The following STK3 variants were observed in gnomAD, a reference collection of about 807,000 sequenced individuals.
The protein encoded by STK3 is serine/threonine kinase 3.
A neutral mutation model predicts 58.0 loss-of-function variants in STK3; 41 were observed. The ratio of observed to expected loss-of-function variants is 0.71; its 90% CI spans 0.55 to 0.92. The LOEUF (loss-of-function observed/expected upper bound fraction) is 0.92. Among genes scored for constraint, STK3 ranks in the 40% least tolerant of loss-of-function variants. The pLI is 0.00. For synonymous variants in STK3, 170 were observed against 191.0 expected, an observed-to-expected ratio of 0.89 and a Z score of 0.91; for missense variants, 479 against 602.7, an observed-to-expected ratio of 0.79 and a Z score of 2.15.
chr8:98,690,644 G>A (rs1824335750), intron 6 of STK3, among the ~76,000 whole-genome samples: 1 of 152,154 alleles, frequency 6.6e-6, no homozygotes, highest in African/African-American at 2.4e-5. Flanking sequence ...CAGATTCAAT[G>A]CTATTCCTAT....
intron 1 of STK3, among the ~76,000 whole-genome samples, chr8:98,915,945 G>A (rs1279191721): frequency 6.6e-6 from 1 of 152,134 alleles, no homozygotes; most frequent in East Asian, 1.9e-4. Context: ...AATTCCTCCT[G>A]TTTCAAAGAC....
At chr8:98,529,660 A>G (rs1826015424) in intron 9 of STK3, among the ~76,000 whole-genome samples, 1 of 152,254 alleles carries the variant, frequency 6.6e-6, no homozygotes, top group Non-Finnish European at 1.5e-5. Context: ...CAGCTAAAAC[A>G]TGGAAGCAAG....
At chr8:98,845,991 C>A (rs1415913131) in intron 3 of STK3, among the ~76,000 whole-genome samples, 2 of 152,202 alleles carry the variant, frequency 1.3e-5, no homozygotes, top group African/African-American at 4.8e-5. Context: ...CTGCTGGTTG[C>A]ACAGAGCTAG....
chr8:98,778,463 A>T (rs1332573809), intron 1 of STK3, among the ~76,000 whole-genome samples: 50 of 152,082 alleles, frequency 3.3e-4, no homozygotes, highest in Non-Finnish European at 4.3e-4. Flanking sequence ...ATTGTGGAAG[A>T]CAGTGTGGCG....
chr8:98,505,437 G>T (rs560877777), intron 10 of STK3, among the ~76,000 whole-genome samples: 4 of 152,308 alleles, frequency 2.6e-5, no homozygotes, highest in Admixed American at 6.5e-5. Flanking sequence ...TCCATTGCTG[G>T]TGAGGAGCTG....
chr8:98,395,042 T>C (rs1302035273), intron 3 of STK3, among the ~76,000 whole-genome samples: 2 of 152,224 alleles, frequency 1.3e-5, no homozygotes, highest in African/African-American at 4.8e-5. Context: ...TGGTGGTGTC[T>C]CTGTCTGTGT....
chr8:98,693,668 C>A (rs985163677), intron 6 of STK3, among the ~76,000 whole-genome samples: 1 of 152,242 alleles, frequency 6.6e-6, no homozygotes, highest in Non-Finnish European at 1.5e-5. Flanking sequence ...TGCAAGGAAT[C>A]TTCCAACAGG....
At chr8:98,791,008 T>C (rs1233421312) in intron 1 of STK3, among the ~76,000 whole-genome samples, 1 of 149,464 alleles carries the variant, frequency 6.7e-6, no homozygotes, top group Non-Finnish European at 1.5e-5. Flanking sequence ...GGCATTCAAA[T>C]CGGTTAAGAG....
chr8:98,487,525 C>A (rs1447605674), intron 10 of STK3, among the ~76,000 whole-genome samples: 1 of 152,136 alleles, frequency 6.6e-6, no homozygotes, highest in Non-Finnish European at 1.5e-5. Context: ...TACTACTTAC[C>A]CTGTCACCTC....
intron 3 of STK3, among the ~76,000 whole-genome samples, chr8:98,407,395 A>T (rs928778265): frequency 6.6e-6 from 1 of 152,164 alleles, no homozygotes; most frequent in Non-Finnish European, 1.5e-5. Context: ...GAGCAAAGGG[A>T]GCACTGGACA....
intron 8 of STK3, among the ~76,000 whole-genome samples, chr8:98,568,539 T>C (rs1812698466): frequency 1.3e-5 from 2 of 152,162 alleles, no homozygotes. Context: ...CAGAGGTAAT[T>C]TTAGTGCTTC....
chr8:98,345,077 G>T, the STK3 span, among the ~76,000 whole-genome samples: 50,252 of 151,556 alleles, frequency 0.33, 9,921 homozygotes, highest in African/African-American at 0.53. Context: ...TAGAAGCACA[G>T]AATGTTATAG....
chr8:98,542,436 T>C (rs1412681305), intron 9 of STK3, among the ~76,000 whole-genome samples: 4 of 152,182 alleles, frequency 2.6e-5, no homozygotes, highest in Non-Finnish European at 5.9e-5. Context: ...CTTATTCATG[T>C]TGATGCTACT....
chr8:98,779,333 A>AT (rs1471635125), intron 1 of STK3, among the ~76,000 whole-genome samples: 2 of 152,104 alleles, frequency 1.3e-5, no homozygotes, highest in South Asian at 2.1e-4. Flanking sequence ...GTTATGCCAT[A>AT]TTTTTTGCAG....
chr8:98,586,962 A>G (rs1586937314), intron 7 of STK3, among the ~76,000 whole-genome samples: 2 of 151,670 alleles, frequency 1.3e-5, no homozygotes, highest in South Asian at 4.2e-4. Flanking sequence ...ATCATTTTTT[A>G]TTGCATCTAT....
upstream of STK3, among the ~76,000 whole-genome samples, chr8:98,828,919 G>T (rs576904692): frequency 2.0e-5 from 3 of 152,304 alleles, no homozygotes; most frequent in South Asian, 6.2e-4. Context: ...TCTATACCTT[G>T]CATAGCAAGT....
chr8:98,822,303 GTTTTTA>G (rs1186081956), intron 1 of STK3, among the ~76,000 whole-genome samples: 1 of 151,840 alleles, frequency 6.6e-6, no homozygotes, highest in African/African-American at 2.4e-5. Context: ...TTTTTGTTTT[GTTTTTA>G]TTTTTATTTT....
chr8:98,806,157 C>A (rs1363710533), intron 1 of STK3, among the ~76,000 whole-genome samples: 1 of 152,192 alleles, frequency 6.6e-6, no homozygotes, highest in East Asian at 1.9e-4. Context: ...CCATTAAATA[C>A]CTACCACAGA....
At chr8:98,916,973 G>A (rs1455637943) in intron 1 of STK3, among the ~76,000 whole-genome samples, 1 of 152,196 alleles carries the variant, frequency 6.6e-6, no homozygotes, top group Non-Finnish European at 1.5e-5. Context: ...AGATGTGGAG[G>A]AGGAGCATCT....
Sources: gnomAD v4.1 joint callset for allele counts (sites outside exome capture counted in the v4.1 genomes callset) on GRCh38, gnomAD v4.1.1 for gene constraint, MANE v1.5 for transcripts, NCBI Gene and HGNC (gene_info 2026-07-23, HGNC 2026-07-21) for gene names.